AAK1: variants seen among roughly 807,000 people sequenced by gnomAD.
The protein encoded by AAK1 is AP2-associated protein kinase 1.
AAK1 carries 37 observed loss-of-function variants against 116.0 expected under a neutral mutation model. That is an observed-to-expected ratio of 0.32 (90% CI 0.25 to 0.42). AAK1 has a LOEUF of 0.42. Ranked by LOEUF, AAK1 falls within the 10% of genes least tolerant of loss-of-function variation. The pLI is 1.00. For synonymous variants in AAK1, 458 were observed against 439.9 expected, an observed-to-expected ratio of 1.04 and a Z score of -0.51; for missense variants, 919 against 1,170.6, an observed-to-expected ratio of 0.79 and a Z score of 3.14.
At chr2:69,572,934 C>A (rs1180138146) in intron 2 of AAK1, among the ~76,000 whole-genome samples, 1 of 152,158 alleles carries the variant, frequency 6.6e-6, no homozygotes, top group African/African-American at 2.4e-5. Flanking sequence ...TCAGTGGAAG[C>A]TCCAGCGATG....
At chr2:69,543,606 C>T (rs1670812409) in intron 4 of AAK1, among the ~76,000 whole-genome samples, 1 of 152,126 alleles carries the variant, frequency 6.6e-6, no homozygotes. Flanking sequence ...TAGGGTTTTA[C>T]CATGTTAACC....
Position 69,468,352 on chromosome 2 carries a change from C to T in AAK1, c.*7517G>A. Reference sequence around the variant, plus strand: ...ATAAAAGGGAGAAAAATAAGTTTTCCAAAATAAGGTTTGCAGAGCCTTAAA... The same window carrying T: ...ATAAAAGGGAGAAAAATAAGTTTTCTAAAATAAGGTTTGCAGAGCCTTAAA... On this transcript the variant is annotated 3_prime_UTR_variant, in exon 22 of 22. Coordinates refer to ENST00000409085, the MANE Select transcript of AAK1 (RefSeq NM_014911.5). 1.0e-6 allele frequency: 1 copy of T among 985,224 alleles called. No homozygotes were observed. Among genetic ancestry groups the T allele is most frequent in the Non-Finnish European group, 1.2e-6 (1 of 829,886 alleles). 61.0% of individuals were successfully genotyped at this position (985,224 alleles called of 1,614,324 possible). A position where few individuals can be genotyped will look rare whatever the true frequency, so the allele number is the denominator to read the frequency against.
At chr2:69,498,601 G>C (rs1430129843) in intron 16 of AAK1, among the ~76,000 whole-genome samples, 1 of 151,956 alleles carries the variant, frequency 6.6e-6, no homozygotes, top group Non-Finnish European at 1.5e-5. Flanking sequence ...CTCTGCCACT[G>C]TCACAGCAGC....
At chr2:69,527,966 G>A (rs542411719) in intron 8 of AAK1, among the ~76,000 whole-genome samples, 1 of 152,326 alleles carries the variant, frequency 6.6e-6, no homozygotes, top group African/African-American at 2.4e-5. Context: ...GCAGCTGACT[G>A]CTTAAATAAT....
chr2:69,558,286 G>A (rs1425467964), intron 2 of AAK1, among the ~76,000 whole-genome samples: 1 of 151,292 alleles, frequency 6.6e-6, no homozygotes, highest in Non-Finnish European at 1.5e-5. Context: ...GGAGGTTGCA[G>A]TGAGCTGTGA....
intron 12 of AAK1, among the ~76,000 whole-genome samples, chr2:69,515,395 G>T (rs1004459679): frequency 1.3e-5 from 2 of 151,904 alleles, no homozygotes; most frequent in African/African-American, 4.8e-5. Flanking sequence ...AAGCAATCTC[G>T]GCTCACTGCA....
intron 12 of AAK1, among the ~76,000 whole-genome samples, chr2:69,518,546 G>C (rs1266288003): frequency 6.6e-6 from 1 of 151,498 alleles, no homozygotes; most frequent in Non-Finnish European, 1.5e-5. Context: ...AGCTTCCCAA[G>C]TAGCTGGGAC....
Position 69,468,280 on chromosome 2 carries a change from A to G in AAK1, c.*7589T>C, listed in dbSNP as rs1674553797. 9.1e-6 allele frequency: 9 copies of G among 985,168 alleles called. No individual in the cohort carries two copies. The highest frequency in any genetic ancestry group is 1.1e-5 in the Non-Finnish European group (9 of 829,800). The allele number at this position is 985,168 out of a possible 1,614,324, so 61.0% of individuals were successfully genotyped here. A position where few individuals can be genotyped will look rare whatever the true frequency, so the allele number is the denominator to read the frequency against. Reference sequence around the variant, plus strand: ...TCTCAGGCAAGTAAATTGATATTAGATTTGTCTCAGTGATACCAAGATGAT... The same window carrying G: ...TCTCAGGCAAGTAAATTGATATTAGGTTTGTCTCAGTGATACCAAGATGAT... On this transcript the variant is annotated 3_prime_UTR_variant, in exon 22 of 22. Coordinates refer to ENST00000409085, the MANE Select transcript of AAK1 (RefSeq NM_014911.5).
intron 16 of AAK1, among the ~76,000 whole-genome samples, chr2:69,500,664 A>AAAATATATATATAT (rs1553410370): frequency 1.6e-5 from 1 of 60,854 alleles, no homozygotes; most frequent in Non-Finnish European, 3.1e-5. Context: ...AGTCCCTTAA[A>AAAATATATATATAT]ATATATATAT....
intron 2 of AAK1, among the ~76,000 whole-genome samples, chr2:69,569,333 C>A (rs1048166029): frequency 7.2e-5 from 11 of 152,186 alleles, no homozygotes; most frequent in South Asian, 2.1e-4. Flanking sequence ...TGCTATACTT[C>A]TTTTATCAGC....
At chr2:69,497,884 C>T (rs1675811932) in intron 16 of AAK1, among the ~76,000 whole-genome samples, 1 of 152,150 alleles carries the variant, frequency 6.6e-6, no homozygotes. Flanking sequence ...CTAGGCTCCT[C>T]AGTGCTCACC....
At chr2:69,479,741 C>T (rs1353238824) in intron 19 of AAK1, among the ~76,000 whole-genome samples, 1 of 152,018 alleles carries the variant, frequency 6.6e-6, no homozygotes. Context: ...TTCAGAAAAC[C>T]AAGACAAAAA....
chr2:69,556,936 A>G lies in AAK1; in HGVS notation c.206T>C (p.Met69Thr), dbSNP rs200663260. 2.0e-5 allele frequency: 32 copies of G among 1,613,924 alleles called. No homozygotes were observed. In the African/African-American group the frequency reaches 2.8e-4, roughly 14 times the overall value. ...IVFLVRTSNG[M>T]KCALKRMFVN... ...AAACATGCGTTTCAAGGCACATTTCATCCCATTGCTTGTCCTCACCAGAAA... is the reference window on the plus strand; with the variant it reads ...AAACATGCGTTTCAAGGCACATTTCGTCCCATTGCTTGTCCTCACCAGAAA... Residue 69 changes from methionine to threonine, a missense_variant, in exon 3 of 22, where the codon ATG becomes ACG. Transcript: ENST00000409085.
chr2:69,502,394 G>A (rs1006685087), intron 16 of AAK1, among the ~76,000 whole-genome samples: 1 of 152,004 alleles, frequency 6.6e-6, no homozygotes, highest in African/African-American at 2.4e-5. Context: ...GGCTGAGGCG[G>A]GAGGATCACC....
intron 2 of AAK1, among the ~76,000 whole-genome samples, chr2:69,605,096 TC>T (rs1673742506): frequency 6.6e-6 from 1 of 152,074 alleles, no homozygotes; most frequent in South Asian, 2.1e-4. Flanking sequence ...CCACACAAAC[TC>T]CCACTCTTCC....
At chr2:69,605,087 C>T (rs1673741688) in intron 2 of AAK1, among the ~76,000 whole-genome samples, 1 of 152,168 alleles carries the variant, frequency 6.6e-6, no homozygotes, top group African/African-American at 2.4e-5. Context: ...CAGCATGTGC[C>T]ACACAAACTC....
intron 2 of AAK1, among the ~76,000 whole-genome samples, chr2:69,637,494 G>A (rs1022315349): frequency 1.4e-4 from 21 of 152,298 alleles, no homozygotes; most frequent in African/African-American, 5.1e-4. Flanking sequence ...TCATAATGCA[G>A]TGTTCTTTCC....
chr2:69,540,364 A>C (rs1361141416), intron 5 of AAK1, among the ~76,000 whole-genome samples: 2 of 151,842 alleles, frequency 1.3e-5, no homozygotes, highest in South Asian at 4.2e-4. Context: ...CAGGTGATCC[A>C]CCCGCCTCAG....
At chr2:69,508,611 C>A (rs12474740) in intron 14 of AAK1, among the ~76,000 whole-genome samples, 49,585 of 151,816 alleles carry the variant, frequency 0.33, 9,451 homozygotes, top group East Asian at 0.52. Flanking sequence ...TAATTAACGA[C>A]AACACAATGT....
Sources: allele counts gnomAD v4.1 joint callset (sites outside exome capture counted in the v4.1 genomes callset), GRCh38; gene constraint gnomAD v4.1.1; transcripts MANE v1.5; gene names NCBI Gene and HGNC (gene_info 2026-07-23, HGNC 2026-07-21).